The following UVRAG variants were observed in gnomAD, a reference collection of about 807,000 sequenced individuals.
UVRAG encodes the protein UV radiation resistance associated.
A neutral mutation model predicts 78.0 loss-of-function variants in UVRAG; 19 were observed. The ratio of observed to expected loss-of-function variants is 0.24; its 90% CI spans 0.17 to 0.36. The LOEUF is 0.36. UVRAG is among the 10% of genes least tolerant of loss of function. The pLI, the probability that UVRAG is intolerant of heterozygous loss-of-function variation, is 1.00. For missense variants in UVRAG, 740 were observed against 853.8 expected, an observed-to-expected ratio of 0.87 and a Z score of 1.66; for synonymous variants, 323 against 324.6, an observed-to-expected ratio of 1.00 and a Z score of 0.05.
intron 12 of UVRAG, among the ~76,000 whole-genome samples, chr11:76,045,320 C>A (rs1591171623): frequency 6.6e-6 from 1 of 152,336 alleles, no homozygotes. Flanking sequence ...CTGCTAATAA[C>A]CCCAGAGTGA....
chr11:75,938,164 A>G (rs947486553), intron 6 of UVRAG, among the ~76,000 whole-genome samples: 1 of 151,820 alleles, frequency 6.6e-6, no homozygotes, highest in Non-Finnish European at 1.5e-5. Context: ...GCTTTCTCAG[A>G]TTAAACAGAC....
At chr11:75,837,619 G>T (rs1590917419) in intron 1 of UVRAG, 1 of 152,040 alleles carries the variant, frequency 6.6e-6, no homozygotes, top group Non-Finnish European at 1.5e-5. Context: ...TCAACTAGTT[G>T]TGAACACAAC....
chr11:76,048,900 G>A (rs1042209697), intron 12 of UVRAG, among the ~76,000 whole-genome samples: 1 of 152,238 alleles, frequency 6.6e-6, no homozygotes, highest in African/African-American at 2.4e-5. Flanking sequence ...TTAAGTGGAT[G>A]TAAGGAACAT....
In UVRAG at chr11:75,937,643, T is replaced by A. The variant is rs139539305; in HGVS notation, c.594-23801T>A. 1.0e-3 allele frequency among the ~76,000 whole-genome samples: 159 copies of A among 152,280 alleles called. 2 individuals carry two copies. In the East Asian group the frequency reaches 0.025, roughly 24 times the overall value. On this transcript the variant is annotated intron_variant, in intron 6 of 14. Coordinates refer to ENST00000356136, the MANE Select transcript of UVRAG (RefSeq NM_003369.4). Reference sequence around the variant, plus strand: ...TTCTAGTATCCTCTCCTTTATGTAGTGTGTCTTTTTTTCCTTGGGCTGCTT... The same window carrying A: ...TTCTAGTATCCTCTCCTTTATGTAGAGTGTCTTTTTTTCCTTGGGCTGCTT...
At chr11:75,964,496 T>C (rs1948971990) in intron 7 of UVRAG, among the ~76,000 whole-genome samples, 1 of 152,262 alleles carries the variant, frequency 6.6e-6, no homozygotes, top group Non-Finnish European at 1.5e-5. Flanking sequence ...GGTCAGTCTT[T>C]TTACATTTAG....
chr11:75,852,373 G>A (rs748821981), intron 2 of UVRAG, among the ~76,000 whole-genome samples: 6 of 152,030 alleles, frequency 3.9e-5, no homozygotes, highest in East Asian at 1.9e-4. Context: ...ATATCTTCTC[G>A]TATCTGTAAT....
intron 13 of UVRAG, among the ~76,000 whole-genome samples, chr11:76,098,087 T>C (rs1022913283): frequency 2.0e-5 from 3 of 152,158 alleles, no homozygotes; most frequent in Non-Finnish European, 4.4e-5. Context: ...GTGAGTCTTA[T>C]CTCTTCTAGA....
intron 8 of UVRAG, 170 bp downstream of exon 8, chr11:75,983,683 C>A: frequency 1.1e-6 from 1 of 918,874 alleles, no homozygotes; most frequent in Non-Finnish European, 1.5e-6. Context: ...GCTGAGCTGC[C>A]ATCATAGAGT....
At chr11:75,878,266 G>C (rs1363350967) in intron 3 of UVRAG, 2 of 196,184 alleles carry the variant, frequency 1.0e-5, no homozygotes, top group African/African-American at 4.8e-5. Flanking sequence ...GACGATGGGC[G>C]GCCGGGCAGA....
At chr11:75,949,378 G>A (rs914455037) in intron 6 of UVRAG, among the ~76,000 whole-genome samples, 8 of 151,758 alleles carry the variant, frequency 5.3e-5, no homozygotes, top group African/African-American at 1.7e-4. Context: ...TCTCATTCTC[G>A]CAGTCTTCAG....
chr11:75,961,611 T>C, intron 7 of UVRAG, 62 bp downstream of exon 7: 1 of 1,319,682 alleles, frequency 7.6e-7, no homozygotes, highest in South Asian at 1.5e-5. Flanking sequence ...TATCATATTC[T>C]TCTAGGGTTA....
chr11:75,815,901 C>G, intron 1 of UVRAG, among the ~76,000 whole-genome samples: 1 of 152,230 alleles, frequency 6.6e-6, no homozygotes, highest in East Asian at 1.9e-4. Flanking sequence ...CTGTGTCCCA[C>G]GGGCCATAGT....
At chr11:76,100,467 A>G (rs1951859841) in intron 13 of UVRAG, among the ~76,000 whole-genome samples, 1 of 152,162 alleles carries the variant, frequency 6.6e-6, no homozygotes, top group African/African-American at 2.4e-5. Context: ...TTACCTGTCC[A>G]TCAGTGAACT....
chr11:76,115,837 TC>T (rs1035695335), intron 13 of UVRAG, 86 bp from the exon 14 acceptor site: 1 of 1,182,958 alleles, frequency 8.5e-7, no homozygotes, highest in Non-Finnish European at 1.2e-6. Flanking sequence ...CTTTTAGAGT[TC>T]AAAAAAATAA....
chr11:75,935,473 TTCTC>T (rs138539219), intron 6 of UVRAG, among the ~76,000 whole-genome samples: 14 of 149,518 alleles, frequency 9.4e-5, no homozygotes, highest in African/African-American at 2.9e-4. Context: ...CTGTCTCTCT[TTCTC>T]TCTCTCTCTC....
At chr11:75,979,999 C>G (rs1949357759) in intron 7 of UVRAG, 1 of 152,884 alleles carries the variant, frequency 6.5e-6, no homozygotes, top group Non-Finnish European at 1.5e-5. Flanking sequence ...GGAGCTATTC[C>G]TATTCGGCCA....
chr11:75,848,304 A>G (rs1420716447), intron 1 of UVRAG, among the ~76,000 whole-genome samples: 2 of 152,246 alleles, frequency 1.3e-5, no homozygotes, highest in Non-Finnish European at 2.9e-5. Context: ...TGCTTTTGAA[A>G]TAAGTAAAAT....
chr11:75,899,961 C>A (rs1947451679), intron 5 of UVRAG, among the ~76,000 whole-genome samples: 1 of 152,106 alleles, frequency 6.6e-6, no homozygotes, highest in Admixed American at 6.5e-5. Context: ...TCATCTTATC[C>A]TGTAATTCAT....
intron 12 of UVRAG, among the ~76,000 whole-genome samples, chr11:76,035,699 C>T (rs148073394): frequency 1.8e-3 from 280 of 152,264 alleles, no homozygotes; most frequent in African/African-American, 6.5e-3. Context: ...TAAAAATGTT[C>T]TGTCTTTAAA....
Sources: allele counts gnomAD v4.1 joint callset (sites outside exome capture counted in the v4.1 genomes callset), GRCh38; gene constraint gnomAD v4.1.1; transcripts MANE v1.5; gene names NCBI Gene and HGNC (gene_info 2026-07-23, HGNC 2026-07-21).